SHANK2: variants seen among roughly 807,000 people sequenced by gnomAD.
SHANK2 encodes the protein SH3 and multiple ankyrin repeat domains 2.
SHANK2 carries 43 observed loss-of-function variants against 133.7 expected under a neutral mutation model. The observed-to-expected ratio is 0.32, with a 90% CI of 0.25 to 0.41. SHANK2 has a LOEUF of 0.41. Among genes scored for constraint, SHANK2 ranks in the 10% least tolerant of loss-of-function variants. SHANK2 has a pLI of 1.00. For missense variants in SHANK2, 1,994 were observed against 2,235.8 expected (o/e 0.89, Z 2.18); for synonymous variants, 1,017 against 952.8 (o/e 1.07, Z -1.24).
At chr11:70,511,413 T>C (rs1043085455) in intron 17 of SHANK2, among the ~76,000 whole-genome samples, 1 of 152,218 alleles carries the variant, frequency 6.6e-6, no homozygotes, top group Non-Finnish European at 1.5e-5. Context: ...AAATTGCTCA[T>C]GTGGTGACAG....
At chr11:71,189,465 C>T (rs782422541) in intron 2 of SHANK2, among the ~76,000 whole-genome samples, 4 of 152,306 alleles carry the variant, frequency 2.6e-5, no homozygotes, top group South Asian at 4.1e-4. Flanking sequence ...AACACAATCA[C>T]GGCTCGCTGC....
At chr11:70,693,642 T>C (rs1945333783) in intron 15 of SHANK2, among the ~76,000 whole-genome samples, 2 of 152,248 alleles carry the variant, frequency 1.3e-5, no homozygotes, top group Admixed American at 1.3e-4. Flanking sequence ...TGTAATCTAC[T>C]TGAAGTCAAA....
chr11:70,585,491 A>G (rs1300792946), intron 17 of SHANK2, among the ~76,000 whole-genome samples: 2 of 152,214 alleles, frequency 1.3e-5, no homozygotes, highest in Non-Finnish European at 2.9e-5. Flanking sequence ...TTTAACACAA[A>G]TTGACCAGAA....
At chr11:70,711,948 A>G (rs1246777053) in intron 14 of SHANK2, among the ~76,000 whole-genome samples, 1 of 152,198 alleles carries the variant, frequency 6.6e-6, no homozygotes, top group Non-Finnish European at 1.5e-5. Flanking sequence ...GGGCTCCTGC[A>G]GCTGCCGGCA....
intron 14 of SHANK2, among the ~76,000 whole-genome samples, chr11:70,795,694 C>G (rs1410801968): frequency 6.6e-6 from 1 of 152,212 alleles, no homozygotes; most frequent in Non-Finnish European, 1.5e-5. Context: ...GTGTGAGTCA[C>G]TGCACCTGGC....
chr11:70,679,287 G>C (rs1363242243), intron 15 of SHANK2, among the ~76,000 whole-genome samples: 3 of 152,174 alleles, frequency 2.0e-5, no homozygotes, highest in Non-Finnish European at 4.4e-5. Flanking sequence ...GTCCAGTGAG[G>C]AGCTCAAGGT....
At chr11:71,244,167 A>T (rs1484664847) in intron 1 of SHANK2, among the ~76,000 whole-genome samples, 2 of 152,142 alleles carry the variant, frequency 1.3e-5, no homozygotes, top group Admixed American at 6.5e-5. Flanking sequence ...GCTCTCTCAG[A>T]GTCTCCTAAA....
At chr11:70,489,909 A>C in intron 23 of SHANK2, 1 of 325,296 alleles carries the variant, frequency 3.1e-6, no homozygotes, top group Non-Finnish European at 5.9e-6. Flanking sequence ...GAATGCAGGG[A>C]ACCCACTTAC....
intron 11 of SHANK2, among the ~76,000 whole-genome samples, chr11:70,884,812 C>G (rs1949713001): frequency 6.6e-6 from 1 of 152,224 alleles, no homozygotes; most frequent in Non-Finnish European, 1.5e-5. Context: ...CCTCCGCCTC[C>G]CAGGTTCAAG....
chr11:71,096,596 G>A (rs534184195), intron 6 of SHANK2, among the ~76,000 whole-genome samples: 2 of 152,108 alleles, frequency 1.3e-5, no homozygotes, highest in African/African-American at 4.8e-5. Context: ...ACTGATCCTC[G>A]AAGGGCACGA....
At position 70,730,607 on chromosome 11, in the gene SHANK2, C is replaced by A. The variant is rs552009390; in HGVS notation, c.1778-31844G>T. Among the ~76,000 whole-genome samples, 3 of 152,270 alleles carry A rather than the reference C, an allele frequency of 2.0e-5. No individual in the cohort carries two copies. The South Asian group carries it at 6.2e-4, about 32-fold the overall frequency. On this transcript the variant is annotated intron_variant, in intron 14 of 25. Coordinates refer to ENST00000601538, the MANE Select transcript of SHANK2 (RefSeq NM_012309.5). ...AGCTGATGTCTCCTCACATCCATTC[C>A]TACCCTGGGCACCTGGTCCCTGCAG...
intron 11 of SHANK2, among the ~76,000 whole-genome samples, chr11:70,874,674 T>TAAAAAAAAAAAAAAAAAAAAAAAA (rs34587004): frequency 8.8e-6 from 1 of 114,222 alleles, no homozygotes. Flanking sequence ...CTGCATTTAC[T>TAAAAAAAAAAAAAAAAAAAAAAAA]AAAAAAAAAA....
intron 5 of SHANK2, among the ~76,000 whole-genome samples, chr11:71,110,758 C>T (rs543154882): frequency 5.9e-5 from 9 of 152,296 alleles, no homozygotes; most frequent in Admixed American, 2.0e-4. Context: ...CAAGTACAAT[C>T]GGCCTATCCT....
At chr11:70,476,230 AAAC>A (rs1223879693) in intron 25 of SHANK2, among the ~76,000 whole-genome samples, 34 of 152,216 alleles carry the variant, frequency 2.2e-4, no homozygotes, top group African/African-American at 6.3e-4. Flanking sequence ...TTCTTCTCAA[AAAC>A]AACAACAACA....
intron 14 of SHANK2, among the ~76,000 whole-genome samples, chr11:70,759,319 T>G (rs1219300699): frequency 6.7e-6 from 1 of 150,086 alleles, no homozygotes; most frequent in Non-Finnish European, 1.5e-5. Context: ...ACCCCGTCAC[T>G]AGTAAAAATA....
At chr11:70,550,075 C>G (rs552359783) in intron 17 of SHANK2, among the ~76,000 whole-genome samples, 2 of 152,124 alleles carry the variant, frequency 1.3e-5, no homozygotes, top group African/African-American at 4.8e-5. Flanking sequence ...AAGCCAAGAG[C>G]AGCTCAGGCC....
chr11:70,540,993 C>G (rs1187699580), intron 17 of SHANK2, among the ~76,000 whole-genome samples: 1 of 152,170 alleles, frequency 6.6e-6, no homozygotes, highest in African/African-American at 2.4e-5. Context: ...CATCTCCTTC[C>G]CCAGCCCCTG....
At chr11:70,478,379 G>T (rs2058690855) in intron 25 of SHANK2, among the ~76,000 whole-genome samples, 1 of 152,322 alleles carries the variant, frequency 6.6e-6, no homozygotes, top group South Asian at 2.1e-4. Context: ...CCTGTCAAGG[G>T]CCTGCTGGGC....
In SHANK2 at chr11:70,486,836, G is replaced by A. The variant is rs1278384610; in HGVS notation, c.3457C>T (p.Pro1153Ser). 8 of 1,612,546 alleles carry A rather than the reference G, an allele frequency of 5.0e-6. No homozygotes were observed. The highest frequency in any genetic ancestry group is 6.8e-6 in the Non-Finnish European group (8 of 1,179,936). ...GCGCCACCCACGAAATGGTTTTCGGGCTCCCTGGGCGTGGCACTCGGCATG... is the reference window on the plus strand; with the variant it reads ...GCGCCACCCACGAAATGGTTTTCGGACTCCCTGGGCGTGGCACTCGGCATG... ...SPMPSATPREPENHFVGGAEA... is the reference protein window; with the variant it reads ...SPMPSATPRESENHFVGGAEA... The change falls in exon 25 of 26, where the codon CCC becomes TCC. Residue 1153 changes from proline (P) to serine (S), a missense_variant. By Grantham distance (74) the Pro-to-Ser change is moderately conservative. Coordinates refer to ENST00000601538, the MANE Select transcript of SHANK2 (RefSeq NM_012309.5). This position sits in a 1 kb window ranked among gnomAD's most constrained non-coding sequence, Gnocchi z 8.0.
Sources: gnomAD v4.1 joint callset for allele counts (sites outside exome capture counted in the v4.1 genomes callset) on GRCh38, gnomAD v4.1.1 for gene constraint, Gnocchi (gnomAD v3.1) non-coding constraint, MANE v1.5 for transcripts, NCBI Gene and HGNC (gene_info 2026-07-23, HGNC 2026-07-21) for gene names.